Variants in CDX4 observed in about 807,000 individuals in gnomAD.
CDX4 encodes caudal type homeobox 4.
CDX4 carries 11 observed loss-of-function variants against 14.1 expected under a neutral mutation model. The observed-to-expected ratio is 0.78, with a 90% CI of 0.49 to 1.29. The LOEUF (loss-of-function observed/expected upper bound fraction) is 1.29, where lower values mean the gene tolerates loss of function less well. Ranked by LOEUF, CDX4 falls within the 50% of genes most tolerant of loss-of-function variation. CDX4 has a pLI of 0.00. For missense variants in CDX4, 257 were observed against 237.4 expected (o/e 1.08, Z -0.54); for synonymous variants, 100 against 93.5 (o/e 1.07, Z -0.40).
rs777088488 is a variant in CDX4 at position 73,447,488 on chromosome X, C to G, written c.235C>G (p.Pro79Ala). Residue 79 changes from proline (P) to alanine (A), a missense_variant, in exon 1 of 3, where the codon CCG becomes GCG. Pro to Ala is a conservative substitution (Grantham distance 27). Coordinates refer to ENST00000373514, the MANE Select transcript of CDX4 (RefSeq NM_005193.2). ...LGVWGSPYSP[P>A]REDWSVYPGP... is the part of the protein sequence containing the mutation. ...AGTCTGGGGCTCACCCTACAGTCCC[C>G]CGCGAGAAGACTGGAGCGTGTATCC... is the stretch of plus-strand genomic sequence containing the variant. The G allele has an allele frequency of 1.3e-4, 162 of 1,210,282 alleles. 2 individuals carry two copies. In the Admixed American group the frequency reaches 3.5e-3, roughly 26 times the overall value.
In CDX4 at chrX:73,453,622, A is replaced by T. The variant is rs755563266; in HGVS notation, c.608A>T (p.Lys203Ile). ...AATAGATATATCACCATCCAGAGAA[A>T]ATCAGAGCTGGCAGTTAACCTGGGC... is the stretch of plus-strand genomic sequence containing the variant. ...HCNRYITIQRKSELAVNLGLS... is the reference protein window; with the variant it reads ...HCNRYITIQRISELAVNLGLS... Residue 203 changes from lysine to isoleucine, a missense_variant, in exon 2 of 3, where the codon AAA becomes ATA. Physicochemically the swap from Lys to Ile is moderately radical, Grantham distance 102. Coordinates refer to ENST00000373514, the MANE Select transcript of CDX4 (RefSeq NM_005193.2). 3.7e-5 allele frequency: 44 copies of T among 1,204,614 alleles called. No homozygotes were observed. Among genetic ancestry groups the T allele is most frequent in the Non-Finnish European group, 4.8e-5 (43 of 892,088 alleles).
In CDX4 at chrX:73,447,158, T is replaced by A; in HGVS notation, c.-96T>A. Reference sequence around the variant, plus strand: ...CAAAAGAGCTTGCGGCACAACTACGTACTGATAAGTTTATTCTCTGCTGCT... The same window carrying A: ...CAAAAGAGCTTGCGGCACAACTACGAACTGATAAGTTTATTCTCTGCTGCT... On this transcript the variant is annotated 5_prime_UTR_variant, in exon 1 of 3. Coordinates refer to ENST00000373514, the MANE Select transcript of CDX4 (RefSeq NM_005193.2). 1 of 988,901 alleles carries A rather than the reference T, an allele frequency of 1.0e-6. No individual in the cohort carries two copies. Among genetic ancestry groups the A allele is most frequent in the Non-Finnish European group, 1.4e-6 (1 of 718,349 alleles). 81.5% of individuals were successfully genotyped at this position (988,901 alleles called of 1,213,427 possible).
chrX:73,448,188 A>G (rs894911486), intron 1 of CDX4, among the ~76,000 whole-genome samples: 1 of 110,173 alleles, frequency 9.1e-6, no homozygotes, highest in South Asian at 3.9e-4. Context: ...ACCCTTACCC[A>G]TCTGAGCGGG....
At chrX:73,447,853 A>G in intron 1 of CDX4, 98 bp downstream of exon 1, 1 of 1,002,217 alleles carries the variant, frequency 1.0e-6, no homozygotes, top group Non-Finnish European at 1.3e-6. Flanking sequence ...GGCCTCTCCC[A>G]AGAGGGCTTA....
Position 73,454,401 on chromosome X carries a change from G to A in CDX4, c.671G>A (p.Arg224His), listed in dbSNP as rs1456440419. The change falls in exon 3 of 3, where the codon CGC becomes CAC. Residue 224 changes from arginine to histidine, a missense_variant. By Grantham distance (29) the Arg-to-His change is conservative. Coordinates refer to ENST00000373514, the MANE Select transcript of CDX4 (RefSeq NM_005193.2). ...ERQVKIWFQN[R>H]RAKERKMIKK... ...CAGGTGAAAATCTGGTTTCAGAATC[G>A]CAGAGCCAAGGAGAGAAAGATGATC... 1.7e-6 allele frequency: 2 copies of A among 1,206,526 alleles called. No individual in the cohort carries two copies. Among genetic ancestry groups the A allele is most frequent in the Non-Finnish European group, 1.1e-6 (1 of 891,817 alleles).
intron 1 of CDX4, among the ~76,000 whole-genome samples, chrX:73,449,964 A>G: frequency 9.0e-6 from 1 of 111,681 alleles, no homozygotes; most frequent in Admixed American, 9.5e-5. Context: ...CTTAGTACAT[A>G]GTGGGTCTTA....
chrX:73,452,165 G>A (rs193135459), intron 1 of CDX4, among the ~76,000 whole-genome samples: 252 of 95,393 alleles, frequency 2.6e-3, no homozygotes, highest in Middle Eastern at 0.012. Flanking sequence ...AGATGAAAGG[G>A]TGTCTGACAT....
intron 1 of CDX4, among the ~76,000 whole-genome samples, chrX:73,451,777 TTTAAGA>T (rs1235567625): frequency 1.4e-4 from 16 of 112,394 alleles, no homozygotes; most frequent in African/African-American, 4.8e-4. Flanking sequence ...ACTCAGCAAC[TTTAAGA>T]TTAAGAAGGG....
intron 1 of CDX4, among the ~76,000 whole-genome samples, chrX:73,448,325 C>T (rs2057077420): frequency 9.0e-6 from 1 of 111,650 alleles, no homozygotes; most frequent in Admixed American, 9.5e-5. Context: ...TCACCCTGGC[C>T]TCTCAGGGAA....
At position 73,455,111 on chromosome X, in the gene CDX4, C is replaced by T. The variant is rs769687831; in HGVS notation, c.*526C>T. 1 of 112,118 alleles carries T rather than the reference C, an allele frequency of 8.9e-6. No homozygotes were observed. Among genetic ancestry groups the T allele is most frequent in the East Asian group, 2.8e-4 (1 of 3,563 alleles). 9.2% of individuals were successfully genotyped at this position (112,118 alleles called of 1,213,427 possible). On this transcript the variant is annotated 3_prime_UTR_variant, in exon 3 of 3. Coordinates refer to ENST00000373514, the MANE Select transcript of CDX4 (RefSeq NM_005193.2). ...TTTTAAAAATCATCAGAAGGTGATT[C>T]TGATTCCATTGTCACTGCTTAACAA...
At position 73,450,933 on chromosome X, in the gene CDX4, T is replaced by C. The variant is rs72630087; in HGVS notation, c.503-2584T>C. On this transcript the variant is annotated intron_variant, in intron 1 of 2. Transcript: ENST00000373514. ...TAATTTTATTTAGGGTGATAAGTTATCATATATTATGACATTTGCTTGTGA... is the reference window on the plus strand; with the variant it reads ...TAATTTTATTTAGGGTGATAAGTTACCATATATTATGACATTTGCTTGTGA... 2.7e-5 allele frequency among the ~76,000 whole-genome samples: 3 copies of C among 111,840 alleles called. No homozygotes were observed. The East Asian group carries it at 8.5e-4, about 32-fold the overall frequency.
chrX:73,452,509 G>A (rs2057091846), intron 1 of CDX4, among the ~76,000 whole-genome samples: 1 of 111,000 alleles, frequency 9.0e-6, no homozygotes, highest in Admixed American at 9.6e-5. Context: ...AGCTCTATTC[G>A]AAGGAGGGCA....
Position 73,453,498 on chromosome X carries a change from A to G in CDX4, c.503-19A>G. The G allele has an allele frequency of 8.4e-7, 1 of 1,183,815 alleles. No homozygotes were observed. The highest frequency in any genetic ancestry group is 1.1e-6 in the Non-Finnish European group (1 of 880,917). ...AAGAAGCAGAAAAAGATTAAATGCAATGCTTTCTCTCCTAACAGGGAAAAC... is the reference window on the plus strand; with the variant it reads ...AAGAAGCAGAAAAAGATTAAATGCAGTGCTTTCTCTCCTAACAGGGAAAAC... On this transcript the variant is annotated intron_variant, in intron 1 of 2. Transcript: ENST00000373514.
intron 1 of CDX4, among the ~76,000 whole-genome samples, chrX:73,448,216 G>T (rs974059171): frequency 9.4e-6 from 1 of 106,233 alleles, no homozygotes; most frequent in Non-Finnish European, 1.9e-5. Context: ...CCCCCTCCCC[G>T]CCCCCAAAGC....
rs1467973308 is a variant in CDX4 at position 73,450,159 on chromosome X, T to G, written c.502+2404T>G. Among the ~76,000 whole-genome samples, 4 of 111,117 alleles carry G rather than the reference T, an allele frequency of 3.6e-5. 1 individual carries two copies. The highest frequency in any genetic ancestry group is 7.6e-5 in the Non-Finnish European group (4 of 52,964). On this transcript the variant is annotated intron_variant, in intron 1 of 2. Coordinates refer to ENST00000373514, the MANE Select transcript of CDX4 (RefSeq NM_005193.2). ...TACTGAAAAATGTCTTAAATAAATG[T>G]AAAAAAGGAAAAAATGCATGTATTA...
intron 2 of CDX4, among the ~76,000 whole-genome samples, chrX:73,453,973 G>A (rs758947760): frequency 2.7e-5 from 3 of 111,076 alleles, no homozygotes; most frequent in Non-Finnish European, 5.7e-5. Flanking sequence ...CTAATAGGAC[G>A]TTTCTCTTTA....
At position 73,453,531 on chromosome X, in the gene CDX4, A is replaced by G. The variant is rs2147490555; in HGVS notation, c.517A>G (p.Lys173Glu). Reference sequence around the variant, plus strand: ...TCTCCTAACAGGGAAAACCAGGACAAAAGAAAAGTATCGTGTAGTTTACAC... The same window carrying G: ...TCTCCTAACAGGGAAAACCAGGACAGAAGAAAAGTATCGTGTAGTTTACAC... The part of the protein sequence containing the change: ...TVQVTGKTRT[K>E]EKYRVVYTDH... Residue 173 changes from lysine (K) to glutamate (E), a missense_variant, in exon 2 of 3, where the codon AAA becomes GAA. Physicochemically the swap from Lys to Glu is moderately conservative, Grantham distance 56. Transcript: ENST00000373514. 8.3e-7 allele frequency: 1 copy of G among 1,201,500 alleles called. No individual in the cohort carries two copies. Among genetic ancestry groups the G allele is most frequent in the East Asian group, 3.0e-5 (1 of 33,128 alleles).
intron 1 of CDX4, among the ~76,000 whole-genome samples, chrX:73,451,878 T>C (rs1026981497): frequency 1.8e-5 from 2 of 112,002 alleles, no homozygotes; most frequent in African/African-American, 6.5e-5. Context: ...GTTTTCATTT[T>C]TTTCTCTAAA....
At chrX:73,447,777 C>T (rs1426670113) in intron 1 of CDX4, 22 bp downstream of exon 1, 1 of 1,149,102 alleles carries the variant, frequency 8.7e-7, no homozygotes, top group Non-Finnish European at 1.2e-6. Context: ...ATTCCAATGC[C>T]CACACACTTT....
Sources: allele counts gnomAD v4.1 joint callset (sites outside exome capture counted in the v4.1 genomes callset), GRCh38; gene constraint gnomAD v4.1.1; transcripts MANE v1.5; gene names NCBI Gene and HGNC (gene_info 2026-07-23, HGNC 2026-07-21).